The following WWOX variants were observed in gnomAD, a reference collection of about 807,000 sequenced individuals.
WWOX encodes the protein WW domain containing oxidoreductase, also known as WW domain-containing oxidoreductase.
Under a neutral mutation model 46.2 loss-of-function variants are expected in WWOX, and 69 were observed. The observed-to-expected ratio is 1.49, with a 90% confidence interval of 1.23 to 1.82. WWOX has a LOEUF of 1.82. Ranked by LOEUF, WWOX falls within the 40% of genes most tolerant of loss-of-function variation. WWOX has a pLI of 0.00. For missense variants in WWOX, 919 were observed against 542.6 expected, an observed-to-expected ratio of 1.69 and a Z score of -6.89; for synonymous variants, 359 against 202.6, an observed-to-expected ratio of 1.77 and a Z score of -6.56.
At chr16:78,256,336 T>C (rs929824684) in intron 5 of WWOX, among the ~76,000 whole-genome samples, 2 of 151,904 alleles carry the variant, frequency 1.3e-5, no homozygotes, top group Non-Finnish European at 2.9e-5. Flanking sequence ...AGCACTGGTT[T>C]CTAAACCTAC....
intron 8 of WWOX, among the ~76,000 whole-genome samples, chr16:78,922,687 T>C (rs928209064): frequency 2.0e-5 from 3 of 152,134 alleles, no homozygotes; most frequent in Admixed American, 6.5e-5. Flanking sequence ...CCTCAGTGAA[T>C]GTTTTTTAAT....
At chr16:78,515,800 C>G (rs1480995796) in intron 8 of WWOX, among the ~76,000 whole-genome samples, 1 of 152,212 alleles carries the variant, frequency 6.6e-6, no homozygotes, top group Non-Finnish European at 1.5e-5. Flanking sequence ...ACAGGGTCTT[C>G]TTCCAATAAG....
intron 5 of WWOX, among the ~76,000 whole-genome samples, chr16:78,315,388 C>T (rs975394213): frequency 6.6e-6 from 1 of 152,156 alleles, no homozygotes; most frequent in Non-Finnish European, 1.5e-5. Context: ...GTGGCTCAAG[C>T]CTGTAATCCC....
intron 8 of WWOX, among the ~76,000 whole-genome samples, chr16:78,955,586 C>A (rs1160326187): frequency 6.6e-6 from 1 of 151,580 alleles, no homozygotes; most frequent in Non-Finnish European, 1.5e-5. Context: ...CTTTATGAAA[C>A]CTCTTTTAAC....
chr16:78,795,396 A>G (rs1041859300), intron 8 of WWOX, among the ~76,000 whole-genome samples: 9 of 152,302 alleles, frequency 5.9e-5, no homozygotes, highest in South Asian at 2.1e-4. Flanking sequence ...GTGAATGAGT[A>G]GGATGGAAAG....
At chr16:78,458,591 T>G (rs115439220) in intron 8 of WWOX, among the ~76,000 whole-genome samples, 197 of 152,328 alleles carry the variant, frequency 1.3e-3, no homozygotes, top group African/African-American at 4.7e-3. Context: ...CTTAAACATT[T>G]ATTTATTTTC....
At chr16:78,459,860 A>G (rs2083908806) in intron 8 of WWOX, among the ~76,000 whole-genome samples, 1 of 151,410 alleles carries the variant, frequency 6.6e-6, no homozygotes, top group East Asian at 1.9e-4. Flanking sequence ...GCTGGAGTGC[A>G]GTGGTGCAAT....
In WWOX at chr16:79,211,987, A is replaced by C; in HGVS notation, c.*191A>C. The stretch of plus-strand genomic sequence containing the variant: ...CAGGGAATTCCTGGGGTAAAGTATC[A>C]CTTTTCTGGGGCTGGGCTAGGCATA... On this transcript the variant is annotated 3_prime_UTR_variant, in exon 9 of 9. Coordinates refer to ENST00000566780, the MANE Select transcript of WWOX (RefSeq NM_016373.4). 6.5e-7 allele frequency: 1 copy of C among 1,533,210 alleles called. No individual in the cohort carries two copies. The highest frequency in any genetic ancestry group is 1.2e-5 in the South Asian group (1 of 83,976). 95.0% of individuals were successfully genotyped at this position (1,533,210 alleles called of 1,614,324 possible).
At chr16:78,224,666 G>A (rs1407776189) in intron 5 of WWOX, among the ~76,000 whole-genome samples, 2 of 152,130 alleles carry the variant, frequency 1.3e-5, no homozygotes, top group Non-Finnish European at 2.9e-5. Context: ...ATTCCTTGGT[G>A]CGCTTGGAAG....
chr16:78,617,286 C>G (rs1048941718), intron 8 of WWOX, among the ~76,000 whole-genome samples: 2 of 151,626 alleles, frequency 1.3e-5, no homozygotes, highest in Non-Finnish European at 2.9e-5. Flanking sequence ...CCTGTGGCCT[C>G]AGCTACTTAG....
intron 8 of WWOX, among the ~76,000 whole-genome samples, chr16:78,738,367 T>C (rs1485958921): frequency 6.6e-6 from 1 of 152,210 alleles, no homozygotes; most frequent in Non-Finnish European, 1.5e-5. Flanking sequence ...TCAATATTTA[T>C]GTGTAATGTG....
chr16:78,327,542 G>A (rs2080653213), intron 5 of WWOX, among the ~76,000 whole-genome samples: 1 of 152,080 alleles, frequency 6.6e-6, no homozygotes, highest in South Asian at 2.1e-4. Flanking sequence ...ACAAATCACA[G>A]CCCATCTCCT....
intron 8 of WWOX, among the ~76,000 whole-genome samples, chr16:78,798,562 C>A (rs1672097355): frequency 6.7e-6 from 1 of 149,862 alleles, no homozygotes; most frequent in South Asian, 2.1e-4. Flanking sequence ...CAATATATTC[C>A]TCCCTCCCCC....
At position 79,196,681 on chromosome 16, in the gene WWOX, C is replaced by T. The variant is rs56767424; in HGVS notation, c.1057-14927C>T. 2.6e-3 allele frequency among the ~76,000 whole-genome samples: 389 copies of T among 152,242 alleles called. 2 individuals carry two copies. Among genetic ancestry groups the T allele is most frequent in the African/African-American group, 8.9e-3 (368 of 41,542 alleles). On this transcript the variant is annotated intron_variant, in intron 8 of 8. Coordinates refer to ENST00000566780, the MANE Select transcript of WWOX (RefSeq NM_016373.4). ...TCTCATCCTGTACACTACCTCCAGA[C>T]CCCCAGGGATTCAGATCCTGTCTCC... is the stretch of plus-strand genomic sequence containing the variant.
intron 5 of WWOX, among the ~76,000 whole-genome samples, chr16:78,370,156 T>A (rs974518566): frequency 2.8e-4 from 37 of 130,072 alleles, no homozygotes; most frequent in Non-Finnish European, 6.7e-5. Flanking sequence ...AAAAAGGGCA[T>A]GGATCTAGAT....
intron 4 of WWOX, among the ~76,000 whole-genome samples, chr16:78,152,672 C>G (rs1033976711): frequency 1.3e-5 from 2 of 152,190 alleles, no homozygotes; most frequent in Admixed American, 6.5e-5. Flanking sequence ...AGGACTGTCA[C>G]TGGCAGGTTA....
intron 5 of WWOX, among the ~76,000 whole-genome samples, chr16:78,229,444 A>G (rs534164455): frequency 1.0e-4 from 15 of 143,764 alleles, no homozygotes; most frequent in African/African-American, 3.1e-4. Context: ...TCCTTTAGAC[A>G]TTTAGATTTT....
Position 78,894,699 on chromosome 16 carries a change from A to G in WWOX, c.1057-316909A>G, listed in dbSNP as rs116414965. ...TGGAGAGAGGCTGTGGAAACAATAG[A>G]GAGAATAGCATGGAAGGCCACGTTG... On this transcript the variant is annotated intron_variant, in intron 8 of 8. Coordinates refer to ENST00000566780, the MANE Select transcript of WWOX (RefSeq NM_016373.4). 3.9e-3 allele frequency among the ~76,000 whole-genome samples: 601 copies of G among 152,276 alleles called. 4 individuals carry two copies. Among genetic ancestry groups the G allele is most frequent in the African/African-American group, 0.013 (559 of 41,560 alleles).
intron 8 of WWOX, among the ~76,000 whole-genome samples, chr16:78,611,069 C>T (rs2045889305): frequency 6.6e-6 from 1 of 152,104 alleles, no homozygotes; most frequent in African/African-American, 2.4e-5. Flanking sequence ...TTGAGTTTAA[C>T]AAGTAAATGT....
Sources: allele counts gnomAD v4.1 joint callset (sites outside exome capture counted in the v4.1 genomes callset), GRCh38; gene constraint gnomAD v4.1.1; transcripts MANE v1.5; gene names NCBI Gene and HGNC (gene_info 2026-07-23, HGNC 2026-07-21).